Variants in CDYL2 observed in about 807,000 individuals in gnomAD.
CDYL2 encodes the protein chromodomain Y-like protein 2.
In CDYL2, 23 loss-of-function variants were observed where a neutral mutation model predicts 49.4. That is an observed-to-expected ratio of 0.47 (90% CI 0.34 to 0.66). The LOEUF is 0.66. Among genes scored for constraint, CDYL2 ranks in the 30% least tolerant of loss-of-function variants. The pLI is 0.01. For synonymous variants in CDYL2, 360 were observed against 268.8 expected, an observed-to-expected ratio of 1.34 and a Z score of -3.32; for missense variants, 678 against 656.4, an observed-to-expected ratio of 1.03 and a Z score of -0.36.
intron 1 of CDYL2, among the ~76,000 whole-genome samples, chr16:80,689,618 G>A (rs1044540463): frequency 1.1e-4 from 17 of 152,192 alleles, no homozygotes; most frequent in Non-Finnish European, 7.3e-5. Context: ...AGCAAAGCAT[G>A]AACCATTGGA....
chr16:80,645,144 C>T (rs1047770930), intron 2 of CDYL2, among the ~76,000 whole-genome samples: 8 of 152,170 alleles, frequency 5.3e-5, no homozygotes, highest in Non-Finnish European at 1.2e-4. Context: ...CAAATGGGAT[C>T]TAATTAAACT....
chr16:80,620,154 G>A (rs1365611542), intron 4 of CDYL2, among the ~76,000 whole-genome samples: 3 of 152,214 alleles, frequency 2.0e-5, no homozygotes, highest in Non-Finnish European at 2.9e-5. Flanking sequence ...TTGATATACT[G>A]ATAAAGAATG....
chr16:80,608,064 C>T, intron 6 of CDYL2, 28 bp downstream of exon 6: 3 of 1,541,500 alleles, frequency 1.9e-6, no homozygotes, highest in Non-Finnish European at 2.6e-6. Context: ...ATCAAAAGGA[C>T]AAGCACGCAG....
chr16:80,720,811 ATGT>A, intron 1 of CDYL2, among the ~76,000 whole-genome samples: 1 of 152,260 alleles, frequency 6.6e-6, no homozygotes, highest in South Asian at 2.1e-4. Flanking sequence ...ACCACTTGTA[ATGT>A]TGTTTCTGGT....
intron 2 of CDYL2, among the ~76,000 whole-genome samples, chr16:80,642,987 C>A (rs1490046829): frequency 6.6e-6 from 1 of 152,166 alleles, no homozygotes; most frequent in Non-Finnish European, 1.5e-5. Context: ...AGTTTTAACT[C>A]ATTTCAGCAT....
intron 2 of CDYL2, among the ~76,000 whole-genome samples, chr16:80,640,488 C>T (rs1348419150): frequency 2.0e-5 from 3 of 152,032 alleles, no homozygotes; most frequent in Non-Finnish European, 4.4e-5. Context: ...TGAGACTCAG[C>T]ACATTCCCAT....
chr16:80,765,468 T>C (rs1236552406), intron 1 of CDYL2, among the ~76,000 whole-genome samples: 1 of 151,722 alleles, frequency 6.6e-6, no homozygotes, highest in Non-Finnish European at 1.5e-5. Flanking sequence ...AAAGCAATTA[T>C]ACCCCCAATT....
intron 3 of CDYL2, among the ~76,000 whole-genome samples, chr16:80,625,464 A>C (rs1907259961): frequency 6.6e-6 from 1 of 152,164 alleles, no homozygotes; most frequent in African/African-American, 2.4e-5. Flanking sequence ...GCTAACTGGC[A>C]CCCTTAATTG....
intron 1 of CDYL2, among the ~76,000 whole-genome samples, chr16:80,751,167 C>T (rs766403026): frequency 2.1e-5 from 3 of 143,826 alleles, no homozygotes; most frequent in African/African-American, 3.0e-5. Flanking sequence ...TTCAGGAAAA[C>T]AAAACCAAAA....
intron 1 of CDYL2, among the ~76,000 whole-genome samples, chr16:80,753,695 C>T (rs1274419669): frequency 6.6e-6 from 1 of 152,152 alleles, no homozygotes; most frequent in African/African-American, 2.4e-5. Flanking sequence ...GGTAACATGG[C>T]AAAGTGCCTT....
At chr16:80,727,160 G>A (rs1905189997) in intron 1 of CDYL2, among the ~76,000 whole-genome samples, 1 of 152,230 alleles carries the variant, frequency 6.6e-6, no homozygotes, top group Non-Finnish European at 1.5e-5. Flanking sequence ...GAAGACGGGT[G>A]ATTTCTGCAT....
intron 1 of CDYL2, among the ~76,000 whole-genome samples, chr16:80,761,427 A>G (rs992239761): frequency 2.0e-5 from 3 of 152,224 alleles, no homozygotes; most frequent in Non-Finnish European, 4.4e-5. Context: ...AGAGCTTAGT[A>G]GAGAGCTTGA....
At chr16:80,784,462 C>T (rs1281090737) in intron 1 of CDYL2, among the ~76,000 whole-genome samples, 1 of 152,052 alleles carries the variant, frequency 6.6e-6, no homozygotes, top group African/African-American at 2.4e-5. Context: ...GTGAACTTTG[C>T]TGATGAACCG....
intron 4 of CDYL2, among the ~76,000 whole-genome samples, chr16:80,618,155 C>T (rs1906914715): frequency 6.6e-6 from 1 of 152,348 alleles, no homozygotes; most frequent in South Asian, 2.1e-4. Context: ...CGCCATCTTG[C>T]CCTGTGCTCT....
intron 1 of CDYL2, among the ~76,000 whole-genome samples, chr16:80,688,956 C>T (rs1251315129): frequency 6.6e-6 from 1 of 152,150 alleles, no homozygotes; most frequent in East Asian, 1.9e-4. Context: ...GTCCTGGCAG[C>T]TCTGTCTCTT....
At chr16:80,726,167 C>T (rs1300132059) in intron 1 of CDYL2, among the ~76,000 whole-genome samples, 1 of 152,132 alleles carries the variant, frequency 6.6e-6, no homozygotes, top group African/African-American at 2.4e-5. Context: ...ATAGGAGTTC[C>T]GTATAAGATT....
intron 2 of CDYL2, among the ~76,000 whole-genome samples, chr16:80,676,313 G>A (rs1314105564): frequency 6.6e-6 from 1 of 152,192 alleles, no homozygotes; most frequent in Admixed American, 6.5e-5. Context: ...AATTGAAAAG[G>A]TTAGTGAAAG....
At chr16:80,698,206 T>G (rs1904283836) in intron 1 of CDYL2, among the ~76,000 whole-genome samples, 1 of 152,072 alleles carries the variant, frequency 6.6e-6, no homozygotes, top group Non-Finnish European at 1.5e-5. Context: ...ACACAAGATT[T>G]CATGGCTAAG....
intron 1 of CDYL2, among the ~76,000 whole-genome samples, chr16:80,784,385 T>C (rs1296030908): frequency 6.6e-6 from 1 of 152,204 alleles, no homozygotes; most frequent in Non-Finnish European, 1.5e-5. Flanking sequence ...AAATATTTAT[T>C]CTGCAATTTA....
Sources: allele counts gnomAD v4.1 joint callset (sites outside exome capture counted in the v4.1 genomes callset), GRCh38; gene constraint gnomAD v4.1.1; transcripts MANE v1.5; gene names NCBI Gene and HGNC (gene_info 2026-07-23, HGNC 2026-07-21).